Variants in PRELID2 observed in about 807,000 individuals in gnomAD.
PRELID2 encodes PRELI domain-containing protein 2.
A neutral mutation model predicts 28.4 loss-of-function variants in PRELID2; 25 were observed. The ratio of observed to expected loss-of-function variants is 0.88; its 90% CI spans 0.64 to 1.23. The LOEUF (loss-of-function observed/expected upper bound fraction) is 1.23, where lower values mean the gene tolerates loss of function less well. Ranked by LOEUF, PRELID2 falls within the 50% of genes most tolerant of loss-of-function variation. The pLI, the probability that PRELID2 is intolerant of heterozygous loss-of-function variation, is 0.00. For synonymous variants in PRELID2, 76 were observed against 71.6 expected, an observed-to-expected ratio of 1.06 and a Z score of -0.31; for missense variants, 201 against 214.4, an observed-to-expected ratio of 0.94 and a Z score of 0.39.
chr5:145,708,932 T>G (rs957992120), intron 1 of PRELID2, among the ~76,000 whole-genome samples: 16 of 152,250 alleles, frequency 1.1e-4, no homozygotes, highest in African/African-American at 3.6e-4. Context: ...TCAAAGACAC[T>G]GTCTACAGCT....
intron 5 of PRELID2, among the ~76,000 whole-genome samples, chr5:145,770,101 C>T (rs1000503509): frequency 9.2e-5 from 14 of 152,114 alleles, no homozygotes; most frequent in Admixed American, 8.5e-4. Context: ...ACTGCACTGC[C>T]AGTTGTATAA....
intron 3 of PRELID2, chr5:145,819,561 T>A (rs1048155235): frequency 1.4e-5 from 8 of 586,122 alleles, no homozygotes; most frequent in Admixed American, 1.1e-4. Flanking sequence ...AATTAGAAAC[T>A]GAAGTTTTTC....
the PRELID2 span, among the ~76,000 whole-genome samples, chr5:145,332,764 T>G: frequency 6.6e-6 from 1 of 152,134 alleles, no homozygotes; most frequent in Non-Finnish European, 1.5e-5. Flanking sequence ...GAAGCCTACT[T>G]CTGTCAATTC....
chr5:145,448,412 C>T, the PRELID2 span, among the ~76,000 whole-genome samples: 3 of 151,982 alleles, frequency 2.0e-5, no homozygotes, highest in Non-Finnish European at 2.9e-5. Context: ...TTTTCTCCCA[C>T]GTTGTAGGTT....
chr5:145,608,808 T>A (rs1402742042), intron 1 of PRELID2, among the ~76,000 whole-genome samples: 1 of 152,232 alleles, frequency 6.6e-6, no homozygotes, highest in African/African-American at 2.4e-5. Context: ...TAGGGAAGTT[T>A]TCAAGGATGA....
At chr5:145,793,131 C>A (rs1752504143) in intron 5 of PRELID2, among the ~76,000 whole-genome samples, 1 of 152,052 alleles carries the variant, frequency 6.6e-6, no homozygotes, top group Non-Finnish European at 1.5e-5. Flanking sequence ...ATTTGTGACA[C>A]AAAGGCTCCC....
intron 1 of PRELID2, among the ~76,000 whole-genome samples, chr5:145,680,999 C>G (rs1304988268): frequency 6.6e-6 from 1 of 152,202 alleles, no homozygotes; most frequent in Non-Finnish European, 1.5e-5. Context: ...CCCTCACGAC[C>G]ATGGCAATTT....
intron 1 of PRELID2, among the ~76,000 whole-genome samples, chr5:145,551,204 C>T (rs1007684542): frequency 6.6e-6 from 1 of 151,968 alleles, no homozygotes; most frequent in Non-Finnish European, 1.5e-5. Context: ...AGTTCAAGAC[C>T]AGCCTGGCCA....
chr5:145,780,425 G>T (rs1581188178), intron 5 of PRELID2, among the ~76,000 whole-genome samples: 1 of 152,160 alleles, frequency 6.6e-6, no homozygotes, highest in East Asian at 1.9e-4. Context: ...TCCTTTTATA[G>T]ATGAGGAACA....
At position 145,523,973 on chromosome 5, in the gene PRELID2, ATTTCT is replaced by A. The variant is rs199556280; in HGVS notation, n.71-50663_71-50659del. ...TATATGCCTAGAAGGAGAATTTCAC[ATTTCT>A]TTCTTATTCTGCTAACGTCTTTAGA... On this transcript the variant is annotated intron_variant and non_coding_transcript_variant, in intron 1 of 2. Transcript: ENST00000510259. 3.7e-4 allele frequency among the ~76,000 whole-genome samples: 57 copies of A among 152,248 alleles called. No individual in the cohort carries two copies. The East Asian group carries it at 9.3e-3, about 25-fold the overall frequency.
the PRELID2 span, among the ~76,000 whole-genome samples, chr5:145,350,388 G>A: frequency 6.6e-6 from 1 of 152,126 alleles, no homozygotes; most frequent in Non-Finnish European, 1.5e-5. Flanking sequence ...GACAAGAAAG[G>A]CACAGGGCTC....
chr5:145,419,100 G>A, the PRELID2 span, among the ~76,000 whole-genome samples: 1 of 150,212 alleles, frequency 6.7e-6, no homozygotes, highest in Non-Finnish European at 1.5e-5. Context: ...TGGTGTATAT[G>A]TGCCACATTT....
At chr5:145,831,203 A>T (rs1367844054) in intron 1 of PRELID2, among the ~76,000 whole-genome samples, 1 of 152,244 alleles carries the variant, frequency 6.6e-6, no homozygotes. Flanking sequence ...TAGGTGGGGT[A>T]GGTGGCATTA....
intron 2 of PRELID2, among the ~76,000 whole-genome samples, chr5:145,821,219 C>CTGTGTGTG (rs1234241639): frequency 2.0e-5 from 2 of 100,868 alleles, no homozygotes; most frequent in Non-Finnish European, 2.1e-5. Flanking sequence ...AAGTCCTCTT[C>CTGTGTGTG]TGTGTGTGTG....
chr5:145,367,487 A>G, the PRELID2 span, among the ~76,000 whole-genome samples: 1 of 152,038 alleles, frequency 6.6e-6, no homozygotes. Context: ...AGTTGACATT[A>G]GGATTCATTC....
chr5:145,818,617 G>A (rs1274911168), intron 3 of PRELID2, among the ~76,000 whole-genome samples: 1 of 152,130 alleles, frequency 6.6e-6, no homozygotes, highest in Non-Finnish European at 1.5e-5. Flanking sequence ...TAGGGCAAAG[G>A]CAGGGTACAC....
the PRELID2 span, among the ~76,000 whole-genome samples, chr5:145,287,062 C>A: frequency 6.6e-6 from 1 of 152,184 alleles, no homozygotes; most frequent in African/African-American, 2.4e-5. Flanking sequence ...TATGTTTGAA[C>A]TATTAATATA....
At chr5:145,253,387 C>A in the PRELID2 span, among the ~76,000 whole-genome samples, 1 of 152,172 alleles carries the variant, frequency 6.6e-6, no homozygotes, top group South Asian at 2.1e-4. Context: ...AAGTATCAGA[C>A]CTATTTTATA....
intron 1 of PRELID2, among the ~76,000 whole-genome samples, chr5:145,477,091 A>G (rs1752109031): frequency 6.6e-6 from 1 of 152,220 alleles, no homozygotes; most frequent in African/African-American, 2.4e-5. Flanking sequence ...TTTATCCAGT[A>G]ATCTTTTCAT....
Sources: gnomAD v4.1 joint callset for allele counts (sites outside exome capture counted in the v4.1 genomes callset) on GRCh38, gnomAD v4.1.1 for gene constraint, MANE v1.5 for transcripts, NCBI Gene and HGNC (gene_info 2026-07-23, HGNC 2026-07-21) for gene names.